The following CENPW variants were observed in gnomAD, a reference collection of about 807,000 sequenced individuals.
CENPW encodes the protein cancer-up-regulated gene 2 protein.
Under a neutral mutation model 11.1 loss-of-function variants are expected in CENPW, and 3 were observed. That is an observed-to-expected ratio of 0.27 (90% CI 0.12 to 0.70). The LOEUF is 0.70. CENPW is among the 30% of genes least tolerant of loss of function. The pLI, the probability that CENPW is intolerant of heterozygous loss-of-function variation, is 0.77. For synonymous variants in CENPW, 38 were observed against 42.0 expected, an observed-to-expected ratio of 0.91 and a Z score of 0.37; for missense variants, 100 against 105.6, an observed-to-expected ratio of 0.95 and a Z score of 0.23.
chr6:126,408,737 AT>A, the CENPW span, among the ~76,000 whole-genome samples: 333 of 151,932 alleles, frequency 2.2e-3, no homozygotes, highest in African/African-American at 7.8e-3. Flanking sequence ...GATTTTTTTC[AT>A]TTCCTATAGA....
the CENPW span, among the ~76,000 whole-genome samples, chr6:126,417,005 C>T: frequency 1.3e-5 from 2 of 152,158 alleles, no homozygotes; most frequent in Admixed American, 6.5e-5. Flanking sequence ...CCTGGAAAAG[C>T]CACAGACACT....
At chr6:126,473,499 A>C in the CENPW span, among the ~76,000 whole-genome samples, 1 of 152,096 alleles carries the variant, frequency 6.6e-6, no homozygotes, top group Non-Finnish European at 1.5e-5. Flanking sequence ...TGGGAGGCGG[A>C]GGCAGGTGGA....
the CENPW span, among the ~76,000 whole-genome samples, chr6:126,441,514 A>T: frequency 6.6e-6 from 1 of 151,432 alleles, no homozygotes; most frequent in African/African-American, 2.4e-5. Context: ...TGGTTACATG[A>T]ATAAGTTTAG....
the CENPW span, among the ~76,000 whole-genome samples, chr6:126,435,792 A>T: frequency 1.3e-5 from 2 of 151,834 alleles, no homozygotes; most frequent in Non-Finnish European, 2.9e-5. Context: ...TTCCCACAAG[A>T]CCACTTTGCT....
At chr6:126,420,786 T>C in the CENPW span, among the ~76,000 whole-genome samples, 2 of 152,306 alleles carry the variant, frequency 1.3e-5, no homozygotes, top group South Asian at 4.1e-4. Flanking sequence ...GGAAAGATGC[T>C]TAAGAGAAAA....
At chr6:126,355,037 C>T in the CENPW span, among the ~76,000 whole-genome samples, 3 of 151,830 alleles carry the variant, frequency 2.0e-5, no homozygotes, top group Admixed American at 1.3e-4. Flanking sequence ...TTAATAAAAC[C>T]CATGTGGAAA....
the CENPW span, among the ~76,000 whole-genome samples, chr6:126,468,871 T>C: frequency 6.6e-6 from 1 of 152,150 alleles, no homozygotes; most frequent in South Asian, 2.1e-4. Context: ...TGGTGTGATC[T>C]TGGCTCACTG....
At chr6:126,407,330 A>G in the CENPW span, among the ~76,000 whole-genome samples, 2 of 151,880 alleles carry the variant, frequency 1.3e-5, no homozygotes, top group Non-Finnish European at 2.9e-5. Context: ...CATCCAGTCT[A>G]TTTTCGATGG....
At chr6:126,454,656 A>G in the CENPW span, among the ~76,000 whole-genome samples, 3 of 151,276 alleles carry the variant, frequency 2.0e-5, no homozygotes, top group African/African-American at 7.3e-5. Context: ...CGTTACACCT[A>G]CAGGAATGAG....
At position 126,346,213 on chromosome 6, in the gene CENPW, G is replaced by A; in HGVS notation, c.135G>A (p.Leu45=). The change falls in exon 2 of 3, where the codon CTG becomes CTA. Residue 45 remains leucine (L), a synonymous_variant. Coordinates refer to ENST00000368328, the MANE Select transcript of CENPW (RefSeq NM_001012507.4). The part of the protein sequence containing the change: ...LEKSGDLLVH[L]NCLLFVHRLA... The stretch of plus-strand genomic sequence containing the variant: ...GATTTTCTGTTTTAAAGGTCCATCT[G>A]AACTGTTTACTGTTTGTTCATCGAT... 6.3e-7 allele frequency: 1 copy of A among 1,586,766 alleles called. No homozygotes were observed. Among genetic ancestry groups the A allele is most frequent in the South Asian group, 1.1e-5 (1 of 87,396 alleles).
chr6:126,425,772 A>T, the CENPW span, among the ~76,000 whole-genome samples: 1 of 151,852 alleles, frequency 6.6e-6, no homozygotes, highest in Non-Finnish European at 1.5e-5. Flanking sequence ...TCTTATTTCT[A>T]TAAAAGTTTG....
the CENPW span, among the ~76,000 whole-genome samples, chr6:126,368,925 T>C: frequency 6.6e-6 from 1 of 152,054 alleles, no homozygotes; most frequent in South Asian, 2.1e-4. Context: ...GTGTAGTCTT[T>C]TATCCCTCAC....
At chr6:126,357,534 ATTC>A in the CENPW span, among the ~76,000 whole-genome samples, 5 of 151,780 alleles carry the variant, frequency 3.3e-5, no homozygotes, top group Non-Finnish European at 7.4e-5. Context: ...TATGACATGT[ATTC>A]TTCTATGAGC....
At chr6:126,340,483 G>A (rs1181381829) in intron 1 of CENPW, 84 bp downstream of exon 1, 1 of 1,604,304 alleles carries the variant, frequency 6.2e-7, no homozygotes, top group South Asian at 1.1e-5. Flanking sequence ...TTTCCGCCCC[G>A]AGCCAATTTA....
the CENPW span, among the ~76,000 whole-genome samples, chr6:126,379,416 T>C: frequency 6.6e-6 from 1 of 152,196 alleles, no homozygotes; most frequent in African/African-American, 2.4e-5. Flanking sequence ...ATCTTACTAA[T>C]ACTTGAGTGT....
the CENPW span, among the ~76,000 whole-genome samples, chr6:126,462,146 T>C: frequency 1.2e-4 from 19 of 152,018 alleles, no homozygotes; most frequent in South Asian, 3.9e-3. Flanking sequence ...AAGGACATCT[T>C]TCTTTTATCT....
At chr6:126,417,525 A>G in the CENPW span, among the ~76,000 whole-genome samples, 1 of 152,042 alleles carries the variant, frequency 6.6e-6, no homozygotes, top group Non-Finnish European at 1.5e-5. Flanking sequence ...ATGTTGTGGG[A>G]TGGGCCCAGT....
the CENPW span, among the ~76,000 whole-genome samples, chr6:126,357,650 C>T: frequency 6.6e-6 from 1 of 151,802 alleles, no homozygotes. Flanking sequence ...GCTCTGTCGC[C>T]CAGCCTGTAG....
the CENPW span, among the ~76,000 whole-genome samples, chr6:126,387,215 A>G: frequency 6.6e-6 from 1 of 151,938 alleles, no homozygotes; most frequent in Non-Finnish European, 1.5e-5. Flanking sequence ...TTGTTATTAT[A>G]ATCTTTTTTT....
Sources: allele counts gnomAD v4.1 joint callset (sites outside exome capture counted in the v4.1 genomes callset), GRCh38; gene constraint gnomAD v4.1.1; transcripts MANE v1.5; gene names NCBI Gene and HGNC (gene_info 2026-07-23, HGNC 2026-07-21).